RSU1: variants seen among roughly 807,000 people sequenced by gnomAD.
RSU1 encodes the protein rsu-1.
In RSU1, 26 loss-of-function variants were observed where a neutral mutation model predicts 31.1. That is an observed-to-expected ratio of 0.84 (90% CI 0.61 to 1.16). The LOEUF is 1.16. RSU1 is among the 50% of genes most tolerant of loss of function. The probability of loss-of-function intolerance (pLI) is 0.00; values close to 1 mark genes in which losing one functional copy is unlikely to be tolerated. For synonymous variants in RSU1, 164 were observed against 136.3 expected, an observed-to-expected ratio of 1.20 and a Z score of -1.41; for missense variants, 320 against 339.1, an observed-to-expected ratio of 0.94 and a Z score of 0.44.
intron 2 of RSU1, among the ~76,000 whole-genome samples, chr10:16,785,030 T>A (rs1018125267): frequency 8.5e-5 from 13 of 152,072 alleles, no homozygotes; most frequent in African/African-American, 3.1e-4. Flanking sequence ...AGTGTCAACT[T>A]GATTGGATTG....
intron 3 of RSU1, among the ~76,000 whole-genome samples, chr10:16,772,850 C>G (rs1481134994): frequency 1.3e-5 from 2 of 152,104 alleles, no homozygotes; most frequent in Non-Finnish European, 2.9e-5. Context: ...CTATCTTGCA[C>G]TCTTTTACAT....
intron 7 of RSU1, among the ~76,000 whole-genome samples, chr10:16,732,631 C>T (rs1039475152): frequency 6.6e-6 from 1 of 152,138 alleles, no homozygotes. Flanking sequence ...TTATAGCAGC[C>T]CAAGCTGACT....
intron 8 of RSU1, among the ~76,000 whole-genome samples, chr10:16,631,576 CTCATT>C (rs1454221103): frequency 6.6e-6 from 1 of 152,220 alleles, no homozygotes; most frequent in Non-Finnish European, 1.5e-5. Flanking sequence ...CAAAAACTCC[CTCATT>C]TAAGTTTTGC....
intron 8 of RSU1, among the ~76,000 whole-genome samples, chr10:16,630,860 A>T (rs2131490471): frequency 6.6e-6 from 1 of 152,326 alleles, no homozygotes; most frequent in East Asian, 1.9e-4. Flanking sequence ...TTTTTGCTTT[A>T]CATAGAAATA....
At chr10:16,677,098 A>T (rs1485951384) in intron 8 of RSU1, among the ~76,000 whole-genome samples, 1 of 152,196 alleles carries the variant, frequency 6.6e-6, no homozygotes, top group Non-Finnish European at 1.5e-5. Context: ...TAAACTTCAT[A>T]CACTGGCTTC....
At chr10:16,727,778 G>C (rs1219597256) in intron 7 of RSU1, among the ~76,000 whole-genome samples, 1 of 152,162 alleles carries the variant, frequency 6.6e-6, no homozygotes, top group African/African-American at 2.4e-5. Flanking sequence ...TCTACTTTTA[G>C]ATGACAAGTC....
chr10:16,778,268 G>A (rs1050587676), intron 3 of RSU1, among the ~76,000 whole-genome samples: 1 of 152,092 alleles, frequency 6.6e-6, no homozygotes, highest in African/African-American at 2.4e-5. Context: ...AGCACACAAC[G>A]AGTAAGAAAC....
In RSU1 at chr10:16,592,303, C is replaced by T. The variant is rs915762341; in HGVS notation, c.*1091G>A. On this transcript the variant is annotated 3_prime_UTR_variant, in exon 9 of 9. Coordinates refer to ENST00000345264, the MANE Select transcript of RSU1 (RefSeq NM_012425.4). ...ATACCATTTTTTTTGTGTCGGCCTT[C>T]TGGGGTTGACAGCCCTTTCAGTGAG... The T allele has an allele frequency of 2.0e-5, 3 of 152,104 alleles. No individual in the cohort carries two copies. The highest frequency in any genetic ancestry group is 7.2e-5 in the African/African-American group (3 of 41,436). 9.4% of individuals were successfully genotyped at this position (152,104 alleles called of 1,614,324 possible). A position where few individuals can be genotyped will look rare whatever the true frequency, so the allele number is the denominator to read the frequency against.
chr10:16,738,627 GA>G (rs1288035358), intron 7 of RSU1, among the ~76,000 whole-genome samples: 3 of 152,048 alleles, frequency 2.0e-5, no homozygotes, highest in Non-Finnish European at 4.4e-5. Context: ...TCAAAGGGGG[GA>G]AAAATGGAAA....
At chr10:16,727,915 C>T (rs1027010437) in intron 7 of RSU1, among the ~76,000 whole-genome samples, 1 of 152,110 alleles carries the variant, frequency 6.6e-6, no homozygotes, top group Non-Finnish European at 1.5e-5. Context: ...GGATGAAGAT[C>T]CGAAACACCA....
intron 8 of RSU1, among the ~76,000 whole-genome samples, chr10:16,602,723 C>A (rs1833733184): frequency 6.6e-6 from 1 of 152,156 alleles, no homozygotes. Flanking sequence ...CATGGCAAGT[C>A]CTCATACAGA....
At chr10:16,769,682 G>A (rs376230235) in intron 3 of RSU1, among the ~76,000 whole-genome samples, 3 of 152,280 alleles carry the variant, frequency 2.0e-5, no homozygotes, top group African/African-American at 7.2e-5. Context: ...CCCTCTTTTG[G>A]CTCAGAAAAC....
chr10:16,648,148 A>G (rs1468452910), intron 8 of RSU1, among the ~76,000 whole-genome samples: 2 of 134,486 alleles, frequency 1.5e-5, no homozygotes, highest in Non-Finnish European at 3.0e-5. Flanking sequence ...TTTTTTTTTT[A>G]AGAGACTAGG....
chr10:16,606,447 A>G (rs944008355), intron 8 of RSU1, among the ~76,000 whole-genome samples: 4 of 152,098 alleles, frequency 2.6e-5, no homozygotes, highest in African/African-American at 9.7e-5. Flanking sequence ...ACATAAAAGT[A>G]GTGTTTTCTT....
intron 3 of RSU1, among the ~76,000 whole-genome samples, chr10:16,781,102 T>A (rs1837639715): frequency 6.6e-6 from 1 of 152,194 alleles, no homozygotes; most frequent in Admixed American, 6.5e-5. Flanking sequence ...TCAATTTCAC[T>A]GGACTCGGAA....
intron 8 of RSU1, among the ~76,000 whole-genome samples, chr10:16,661,287 CGTGTGT>C (rs56675037): frequency 0.037 from 4,971 of 132,852 alleles, 166 homozygotes; most frequent in East Asian, 0.14. Context: ...GTAGAGAGTG[CGTGTGT>C]GTGTGTGTGT....
At chr10:16,812,662 A>G (rs1838432951) in intron 2 of RSU1, among the ~76,000 whole-genome samples, 1 of 152,136 alleles carries the variant, frequency 6.6e-6, no homozygotes, top group African/African-American at 2.4e-5. Context: ...CACTCCCTTG[A>G]AAGCAGGTTG....
At chr10:16,594,789 ATTT>A (rs939278496) in intron 8 of RSU1, among the ~76,000 whole-genome samples, 2 of 136,958 alleles carry the variant, frequency 1.5e-5, no homozygotes, top group South Asian at 2.2e-4. Flanking sequence ...ATATATATAT[ATTT>A]TTTTTTTTTT....
Position 16,592,602 on chromosome 10 carries a change from A to G in RSU1, c.*792T>C, listed in dbSNP as rs1833527700. ...TCTCTCTCTTTCACAGTTCTTGTCT[A>G]CCAGCCCCTGGCAGAAATCACCATT... On this transcript the variant is annotated 3_prime_UTR_variant, in exon 9 of 9. Coordinates refer to ENST00000345264, the MANE Select transcript of RSU1 (RefSeq NM_012425.4). 1 of 152,150 alleles carries G rather than the reference A, an allele frequency of 6.6e-6. No individual in the cohort carries two copies. The highest frequency in any genetic ancestry group is 2.4e-5 in the African/African-American group (1 of 41,420). 9.4% of individuals were successfully genotyped at this position (152,150 alleles called of 1,614,324 possible). A position where few individuals can be genotyped will look rare whatever the true frequency, so the allele number is the denominator to read the frequency against.
Sources: allele counts gnomAD v4.1 joint callset (sites outside exome capture counted in the v4.1 genomes callset), GRCh38; gene constraint gnomAD v4.1.1; transcripts MANE v1.5; gene names NCBI Gene and HGNC (gene_info 2026-07-23, HGNC 2026-07-21).